Variants in HDAC4 observed in about 807,000 individuals in gnomAD.
HDAC4 encodes histone deacetylase 4.
Under a neutral mutation model 135.1 loss-of-function variants are expected in HDAC4, and 16 were observed. The ratio of observed to expected loss-of-function variants is 0.12; its 90% CI spans 0.08 to 0.18. HDAC4 has a LOEUF of 0.18. Ranked by LOEUF, HDAC4 falls within the 10% of genes least tolerant of loss-of-function variation. The probability of loss-of-function intolerance (pLI) is 1.00; values close to 1 mark genes in which losing one functional copy is unlikely to be tolerated. For missense variants in HDAC4, 1,143 were observed against 1,511.8 expected (o/e 0.76, Z 4.05); for synonymous variants, 685 against 653.4 (o/e 1.05, Z -0.74).
chr2:239,094,174 C>G (rs2036777241), intron 17 of HDAC4: 2 of 985,334 alleles, frequency 2.0e-6, no homozygotes, highest in Middle Eastern at 5.2e-4. Context: ...CGCGGCACTG[C>G]AGGACCATGA....
chr2:239,241,828 G>A (rs1051302706), intron 2 of HDAC4, among the ~76,000 whole-genome samples: 30 of 152,120 alleles, frequency 2.0e-4, no homozygotes, highest in Non-Finnish European at 2.8e-4. Flanking sequence ...CACCATGGAT[G>A]GGCAACATTA....
At chr2:239,283,558 GC>G (rs764937770) in intron 2 of HDAC4, among the ~76,000 whole-genome samples, 29 of 152,258 alleles carry the variant, frequency 1.9e-4, no homozygotes, top group Non-Finnish European at 3.5e-4. Context: ...GAACACAAAA[GC>G]CCTGCGAGCA....
chr2:239,290,831 G>A (rs10178931), intron 2 of HDAC4, among the ~76,000 whole-genome samples: 4,771 of 152,280 alleles, frequency 0.031, 257 homozygotes, highest in African/African-American at 0.11. Flanking sequence ...TACAGGGCCT[G>A]GCCCACCTGA....
chr2:239,128,474 G>A (rs1400720731), intron 11 of HDAC4, among the ~76,000 whole-genome samples: 1 of 151,630 alleles, frequency 6.6e-6, no homozygotes, highest in African/African-American at 2.4e-5. Context: ...GTTGCAGTGA[G>A]CCCAGATAAT....
rs531912403 is a variant in HDAC4, at chr2:239,053,264, G to A, written c.3231-128C>T. 7 of 1,360,580 alleles carry A rather than the reference G, an allele frequency of 5.1e-6. No homozygotes were observed. In the Admixed American group the frequency reaches 7.7e-5, roughly 15 times the overall value. 84.3% of individuals were successfully genotyped at this position (1,360,580 alleles called of 1,614,324 possible). On this transcript the variant is annotated intron_variant, in intron 26 of 26. Coordinates refer to ENST00000543185, the MANE Select transcript of HDAC4 (RefSeq NM_001378414.1). Reference sequence around the variant, plus strand: ...AGCCTAGCCCTGGCCTGGCAGCCCCGGGTCCATCTGTTCAGGATCTAATGC... The same window carrying A: ...AGCCTAGCCCTGGCCTGGCAGCCCCAGGTCCATCTGTTCAGGATCTAATGC...
chr2:239,300,479 T>G lies in HDAC4; in HGVS notation c.22+52199A>C, dbSNP rs191023330. 1.3e-3 allele frequency among the ~76,000 whole-genome samples: 191 copies of G among 152,330 alleles called. 1 individual carries two copies. The highest frequency in any genetic ancestry group is 4.1e-3 in the African/African-American group (170 of 41,572). ...GATGGGCATTGCTGCTATGGACCAT[T>G]TCCGCCATCGCAGAAAGTCCTGGAG... On this transcript the variant is annotated intron_variant, in intron 2 of 26. Coordinates refer to ENST00000543185, the MANE Select transcript of HDAC4 (RefSeq NM_001378414.1).
At chr2:239,114,266 A>G (rs1261930448) in intron 13 of HDAC4, among the ~76,000 whole-genome samples, 1 of 152,172 alleles carries the variant, frequency 6.6e-6, no homozygotes, top group Non-Finnish European at 1.5e-5. Flanking sequence ...CATGGAGTCC[A>G]GAGAGAAGGG....
chr2:239,377,726 C>T (rs1185952356), intron 1 of HDAC4, among the ~76,000 whole-genome samples: 1 of 152,124 alleles, frequency 6.6e-6, no homozygotes, highest in Non-Finnish European at 1.5e-5. Context: ...GTGCAGAGAC[C>T]CAACGTGGTG....
chr2:239,140,156 G>A (rs991110292), intron 8 of HDAC4, among the ~76,000 whole-genome samples: 1 of 152,194 alleles, frequency 6.6e-6, no homozygotes, highest in Non-Finnish European at 1.5e-5. Context: ...AAAGCAAAAG[G>A]TCAGCTTTCC....
intron 2 of HDAC4, chr2:239,298,460 A>T: frequency 8.8e-7 from 1 of 1,136,916 alleles, no homozygotes; most frequent in Non-Finnish European, 1.1e-6. Flanking sequence ...CTAGGGTCCC[A>T]GCAACCCCAG....
chr2:239,357,382 A>G (rs973171209), intron 1 of HDAC4, among the ~76,000 whole-genome samples: 1 of 152,142 alleles, frequency 6.6e-6, no homozygotes, highest in African/African-American at 2.4e-5. Context: ...ATTAGAAAAG[A>G]AGGCCTCAAT....
chr2:239,189,027 A>G (rs1043902518), intron 4 of HDAC4, among the ~76,000 whole-genome samples: 1 of 152,274 alleles, frequency 6.6e-6, no homozygotes, highest in Non-Finnish European at 1.5e-5. Context: ...CAAACTTGCT[A>G]TTTTAAACTG....
At chr2:239,219,540 G>A (rs2046834327) in intron 3 of HDAC4, among the ~76,000 whole-genome samples, 2 of 152,010 alleles carry the variant, frequency 1.3e-5, no homozygotes, top group South Asian at 4.1e-4. Context: ...AATGGGTGCA[G>A]CACACCAGCA....
intron 3 of HDAC4, among the ~76,000 whole-genome samples, chr2:239,214,407 A>C (rs1032464679): frequency 6.6e-6 from 1 of 152,240 alleles, no homozygotes; most frequent in Non-Finnish European, 1.5e-5. Context: ...CCTCATCTCC[A>C]GTGAGTAACA....
intron 2 of HDAC4, among the ~76,000 whole-genome samples, chr2:239,319,614 G>A (rs577928127): frequency 1.3e-5 from 2 of 152,318 alleles, no homozygotes; most frequent in African/African-American, 2.4e-5. Context: ...CCAAGTTTGC[G>A]TGTGTCAGAA....
At chr2:239,155,416 G>A (rs1469338107) in intron 7 of HDAC4, 4 of 147,468 alleles carry the variant, frequency 2.7e-5, no homozygotes, top group African/African-American at 1.1e-4. Context: ...GGCCTGATAT[G>A]GCCCACTCCA....
At chr2:239,337,776 G>A (rs886701143) in intron 2 of HDAC4, among the ~76,000 whole-genome samples, 21 of 152,126 alleles carry the variant, frequency 1.4e-4, no homozygotes, top group African/African-American at 5.1e-4. Context: ...GGAACAGAGC[G>A]AGCCAGGCAG....
At chr2:239,317,772 G>A (rs1368969032) in intron 2 of HDAC4, among the ~76,000 whole-genome samples, 1 of 152,190 alleles carries the variant, frequency 6.6e-6, no homozygotes, top group Non-Finnish European at 1.5e-5. Flanking sequence ...GCAACTTTAA[G>A]CCAACGACAG....
intron 3 of HDAC4, among the ~76,000 whole-genome samples, chr2:239,197,742 A>T (rs964115307): frequency 6.6e-6 from 1 of 152,194 alleles, no homozygotes; most frequent in Admixed American, 6.5e-5. Flanking sequence ...TTCAGAGGAC[A>T]ATGGACCCTG....
Sources: gnomAD v4.1 joint callset for allele counts (sites outside exome capture counted in the v4.1 genomes callset) on GRCh38, gnomAD v4.1.1 for gene constraint, MANE v1.5 for transcripts, NCBI Gene and HGNC (gene_info 2026-07-23, HGNC 2026-07-21) for gene names.